DNM2: variants seen among roughly 807,000 people sequenced by gnomAD.
DNM2 encodes dynamin-2.
In DNM2, 15 loss-of-function variants were observed where a neutral mutation model predicts 99.0. The ratio of observed to expected loss-of-function variants is 0.15; its 90% CI spans 0.10 to 0.23. The LOEUF (loss-of-function observed/expected upper bound fraction) is 0.23. DNM2 is among the 10% of genes least tolerant of loss of function. DNM2 has a pLI of 1.00. For synonymous variants in DNM2, 525 were observed against 481.2 expected (o/e 1.09, Z -1.19); for missense variants, 742 against 1,189.4 (o/e 0.62, Z 5.53).
chr19:10,798,584 T>C lies in DNM2; in HGVS notation c.1422+12T>C. ...GAACGAAGGACCAGGTACTGGCCTT[T>C]TGTCTTCTTTATTGGGTATAATTTA... On this transcript the variant is annotated intron_variant, in intron 11 of 20. Transcript: ENST00000389253. The C allele has an allele frequency of 6.2e-7, 1 of 1,614,160 alleles. No homozygotes were observed. The highest frequency in any genetic ancestry group is 8.5e-7 in the Non-Finnish European group (1 of 1,179,998).
intron 13 of DNM2, among the ~76,000 whole-genome samples, chr19:10,807,095 C>A (rs2072363147): frequency 6.6e-6 from 1 of 152,106 alleles, no homozygotes; most frequent in South Asian, 2.1e-4. Context: ...TATTTTGACA[C>A]AGAGTCTCGC....
At chr19:10,726,811 C>G (rs1217542367) in intron 1 of DNM2, among the ~76,000 whole-genome samples, 1 of 152,072 alleles carries the variant, frequency 6.6e-6, no homozygotes, top group Non-Finnish European at 1.5e-5. Context: ...TGCGGTAAGC[C>G]GAGATTGCGC....
intron 1 of DNM2, among the ~76,000 whole-genome samples, chr19:10,744,426 T>C (rs1400034321): frequency 1.3e-5 from 2 of 152,132 alleles, no homozygotes; most frequent in East Asian, 3.9e-4. Flanking sequence ...TGAGTCTGCC[T>C]GGATATTTCC....
chr19:10,741,418 A>G (rs2069742237), intron 1 of DNM2, among the ~76,000 whole-genome samples: 1 of 151,560 alleles, frequency 6.6e-6, no homozygotes, highest in South Asian at 2.1e-4. Context: ...TTCTAGAGGT[A>G]GGGTCTTGCT....
intron 2 of DNM2, chr19:10,763,044 C>T (rs1033015112): frequency 3.3e-5 from 5 of 152,978 alleles, no homozygotes; most frequent in Middle Eastern, 3.1e-3. Flanking sequence ...CTGATCATGG[C>T]ATTTTCAGTC....
chr19:10,831,353 G>C lies in DNM2; in HGVS notation c.*306G>C, dbSNP rs191330227. ...CCATCCTGAATGAGGGGTCCAGCCT[G>C]GGGGGGACTCTACCAAGGTCTTCTT... On this transcript the variant is annotated 3_prime_UTR_variant, in exon 21 of 21. Transcript: ENST00000389253. This position sits in a 1 kb window ranked among gnomAD's most constrained non-coding sequence, Gnocchi z 4.3. The C allele has an allele frequency of 7.8e-6, 9 of 1,152,086 alleles. No homozygotes were observed. Among genetic ancestry groups the C allele is most frequent in the Non-Finnish European group, 9.6e-6 (9 of 935,558 alleles). The allele number at this position is 1,152,086 out of a possible 1,614,324, so 71.4% of individuals were successfully genotyped here.
chr19:10,744,002 A>T (rs1330628671), intron 1 of DNM2, among the ~76,000 whole-genome samples: 1 of 149,542 alleles, frequency 6.7e-6, no homozygotes, highest in Non-Finnish European at 1.5e-5. Flanking sequence ...AAAAAAAAAT[A>T]CAAAAATTAG....
At chr19:10,790,152 G>A (rs1323279574) in intron 7 of DNM2, among the ~76,000 whole-genome samples, 2 of 152,186 alleles carry the variant, frequency 1.3e-5, no homozygotes, top group African/African-American at 2.4e-5. Flanking sequence ...CGGGAATTAC[G>A]GTAATAGACT....
rs983586139 is a variant in DNM2, at chr19:10,817,259, C to T, written c.1672-2721C>T. On this transcript the variant is annotated intron_variant, in intron 15 of 20. Transcript: ENST00000389253. The surrounding 1 kb of genome is among the most constrained non-coding windows in gnomAD (Gnocchi z 4.6). ...GGGCCAGGGCCTCCAACCCCTCGGC[C>T]GGCCTCGGGGCTCCCTCTGCCTTTC... is the stretch of plus-strand genomic sequence containing the variant. 3.3e-5 allele frequency among the ~76,000 whole-genome samples: 5 copies of T among 152,172 alleles called. No individual in the cohort carries two copies. Among genetic ancestry groups the T allele is most frequent in the Admixed American group, 6.5e-5 (1 of 15,270 alleles).
At chr19:10,766,610 G>A (rs1396060490) in intron 2 of DNM2, among the ~76,000 whole-genome samples, 2 of 151,862 alleles carry the variant, frequency 1.3e-5, no homozygotes, top group African/African-American at 2.4e-5. Flanking sequence ...TGCTGTATAC[G>A]AGATGCTAGG....
chr19:10,752,095 G>A (rs1424441591), intron 1 of DNM2, among the ~76,000 whole-genome samples: 1 of 152,240 alleles, frequency 6.6e-6, no homozygotes, highest in Non-Finnish European at 1.5e-5. Flanking sequence ...GAGGAAAGGG[G>A]AAGGGATGTC....
intron 11 of DNM2, among the ~76,000 whole-genome samples, chr19:10,801,605 C>CAAAAAAA (rs34520425): frequency 1.8e-5 from 1 of 56,590 alleles, no homozygotes; most frequent in Non-Finnish European, 3.9e-5. Context: ...GTTCTTTTCT[C>CAAAAAAA]AAAAAAAAAA....
chr19:10,760,827 A>ATTTGTTTTTTTTTTTTTTT (rs2070600357), intron 2 of DNM2, among the ~76,000 whole-genome samples: 1 of 41,260 alleles, frequency 2.4e-5, no homozygotes, highest in African/African-American at 9.4e-5. Context: ...CACCCAGCTG[A>ATTTGTTTTTTTTTTTTTTT]TTTTTTTTTT....
At position 10,829,056 on chromosome 19, in the gene DNM2, C is replaced by G. The variant is rs777872270; in HGVS notation, c.2079C>G (p.His693Gln). Residue 693 changes from histidine (H) to glutamine (Q), a missense_variant, in exon 19 of 21, where the codon CAC (histidine) becomes CAG (glutamine). By Grantham distance (24) the His-to-Gln change is conservative. Transcript: ENST00000389253. ...MINNTKAFIHHELLAYLYSSA... is the reference protein window; with the variant it reads ...MINNTKAFIHQELLAYLYSSA... ...CGCAGACGAAGGCCTTCATCCACCA[C>G]GAGCTGCTGGCCTACCTATACTCCT... 2.1e-5 allele frequency: 34 copies of G among 1,613,270 alleles called. No individual in the cohort carries two copies. The highest frequency in any genetic ancestry group is 1.6e-5 in the Non-Finnish European group (19 of 1,179,848).
rs142612564 is a variant in DNM2 at position 10,820,159 on chromosome 19, T to TCACTGAG, written c.1781+81_1781+87dup. ...TGGCCTCATTCACACTCCACAACCT[T>TCACTGAG]CACTGAGCACTGAGCACCTGGCTGT... On this transcript the variant is annotated intron_variant, in intron 16 of 20. Transcript: ENST00000389253. The surrounding 1 kb of genome is among the most constrained non-coding windows in gnomAD (Gnocchi z 4.3). 3,317 of 1,469,496 alleles carry TCACTGAG rather than the reference T, an allele frequency of 2.3e-3. 77 individuals carry two copies. In the African/African-American group the frequency reaches 0.041, roughly 18 times the overall value. The allele number at this position is 1,469,496 out of a possible 1,614,324, so 91.0% of individuals were successfully genotyped here.
Position 10,820,439 on chromosome 19 carries a change from G to C in DNM2, c.1781+350G>C, listed in dbSNP as rs62131827. On this transcript the variant is annotated intron_variant, in intron 16 of 20. Transcript: ENST00000389253. The surrounding 1 kb of genome is among the most constrained non-coding windows in gnomAD (Gnocchi z 4.3). Reference sequence around the variant, plus strand: ...TGAGAGGGTGAGAGATGGGGGACGAGGGCAAAGGCCGCTGCCTTGTCCAAG... The same window carrying C: ...TGAGAGGGTGAGAGATGGGGGACGACGGCAAAGGCCGCTGCCTTGTCCAAG... 0.03 allele frequency among the ~76,000 whole-genome samples: 4,507 copies of C among 152,326 alleles called. 109 individuals carry two copies. The highest frequency in any genetic ancestry group is 0.047 in the Non-Finnish European group (3,218 of 68,032).
At chr19:10,819,032 C>T (rs2146150879) in intron 15 of DNM2, among the ~76,000 whole-genome samples, 1 of 152,272 alleles carries the variant, frequency 6.6e-6, no homozygotes, top group Non-Finnish European at 1.5e-5. Context: ...TCGCCAGCCC[C>T]TTGCCCCTGG....
At chr19:10,733,974 C>A (rs1171093683) in intron 1 of DNM2, among the ~76,000 whole-genome samples, 1 of 151,294 alleles carries the variant, frequency 6.6e-6, no homozygotes, top group East Asian at 1.9e-4. Context: ...CGCCACTGTA[C>A]TTCAGCCTGG....
intron 1 of DNM2, among the ~76,000 whole-genome samples, chr19:10,742,327 C>CTTCTTCT (rs1187666940): frequency 1.3e-5 from 2 of 152,284 alleles, no homozygotes; most frequent in Non-Finnish European, 2.9e-5. Context: ...GAAGAAGGGT[C>CTTCTTCT]TGTGCCTGTT....
Sources: allele counts gnomAD v4.1 joint callset (sites outside exome capture counted in the v4.1 genomes callset), GRCh38; gene constraint gnomAD v4.1.1; non-coding constraint Gnocchi (gnomAD v3.1); transcripts MANE v1.5; gene names NCBI Gene and HGNC (gene_info 2026-07-23, HGNC 2026-07-21).